CFAP299: variants seen among roughly 807,000 people sequenced by gnomAD.
CFAP299 encodes cilia and flagella associated protein 299, also known as cilia- and flagella-associated protein 299.
CFAP299 carries 21 observed loss-of-function variants against 27.0 expected under a neutral mutation model. The observed-to-expected ratio is 0.78, with a 90% CI of 0.55 to 1.12. The LOEUF is 1.12. Among genes scored for constraint, CFAP299 ranks in the 50% most tolerant of loss-of-function variants. The probability of loss-of-function intolerance (pLI) is 0.00; values close to 1 mark genes in which losing one functional copy is unlikely to be tolerated. For synonymous variants in CFAP299, 104 were observed against 98.1 expected (o/e 1.06, Z -0.36); for missense variants, 310 against 276.6 (o/e 1.12, Z -0.86).
chr4:80,683,914 C>T (rs1578014206), intron 3 of CFAP299, among the ~76,000 whole-genome samples: 1 of 152,046 alleles, frequency 6.6e-6, no homozygotes, highest in African/African-American at 2.4e-5. Context: ...CTATTATGAA[C>T]CTTTGTTGAG....
chr4:80,453,841 AAATAATAAT>A (rs10692004), intron 2 of CFAP299, among the ~76,000 whole-genome samples: 2,467 of 135,952 alleles, frequency 0.018, 31 homozygotes, highest in Non-Finnish European at 0.02. Flanking sequence ...ACCCTGTCTC[AAATAATAAT>A]AATAATAATA....
rs147567325 is a variant in CFAP299, at chr4:80,447,069, T to C, written c.242+84185T>C. On this transcript the variant is annotated intron_variant, in intron 2 of 5. Transcript: ENST00000358105. ...ATAAGTAGGCACTTACCCTCTCTTA[T>C]GTGATTAACAATGGTAGTGTTTCTT... Among the ~76,000 whole-genome samples, 61 of 152,100 alleles carry C rather than the reference T, an allele frequency of 4.0e-4. No homozygotes were observed. In the East Asian group the frequency reaches 0.01, roughly 25 times the overall value.
At chr4:80,369,834 T>C (rs1724043278) in intron 2 of CFAP299, among the ~76,000 whole-genome samples, 1 of 152,200 alleles carries the variant, frequency 6.6e-6, no homozygotes, top group South Asian at 2.1e-4. Flanking sequence ...GTGCCTTCAG[T>C]GAACATTCCA....
At chr4:80,842,384 A>G (rs1364921615) in intron 3 of CFAP299, among the ~76,000 whole-genome samples, 1 of 152,148 alleles carries the variant, frequency 6.6e-6, no homozygotes, top group African/African-American at 2.4e-5. Flanking sequence ...ACAATAGTGA[A>G]GACAACAGAC....
intron 3 of CFAP299, among the ~76,000 whole-genome samples, chr4:80,658,451 A>T (rs995194007): frequency 3.3e-5 from 5 of 152,112 alleles, no homozygotes; most frequent in Non-Finnish European, 7.4e-5. Context: ...AGCAGTGTTG[A>T]ATTTTTTCGA....
At chr4:80,686,658 AT>A (rs1250990281) in intron 3 of CFAP299, among the ~76,000 whole-genome samples, 1 of 152,174 alleles carries the variant, frequency 6.6e-6, no homozygotes, top group Non-Finnish European at 1.5e-5. Flanking sequence ...GAGCCAGAAG[AT>A]TTTGGTAGAA....
At chr4:80,453,099 A>T (rs1728977138) in intron 2 of CFAP299, among the ~76,000 whole-genome samples, 1 of 152,196 alleles carries the variant, frequency 6.6e-6, no homozygotes, top group African/African-American at 2.4e-5. Flanking sequence ...TCTCATAGAA[A>T]CTGCAACATT....
intron 3 of CFAP299, among the ~76,000 whole-genome samples, chr4:80,825,780 T>G (rs1409111095): frequency 6.6e-6 from 1 of 151,904 alleles, no homozygotes; most frequent in African/African-American, 2.4e-5. Context: ...GGACAATAGA[T>G]AGTAACTTGA....
intron 3 of CFAP299, among the ~76,000 whole-genome samples, chr4:80,699,391 C>G (rs1721319788): frequency 6.6e-6 from 1 of 152,166 alleles, no homozygotes; most frequent in South Asian, 2.1e-4. Context: ...AACTCCATAA[C>G]TCCCGATCAG....
At chr4:80,460,818 A>G (rs968571730) in intron 2 of CFAP299, among the ~76,000 whole-genome samples, 2 of 152,184 alleles carry the variant, frequency 1.3e-5, no homozygotes, top group African/African-American at 4.8e-5. Context: ...TGCCAAAGAA[A>G]AAAGTCAAAC....
intron 3 of CFAP299, among the ~76,000 whole-genome samples, chr4:80,667,089 A>G (rs1228752284): frequency 6.6e-6 from 1 of 152,144 alleles, no homozygotes. Context: ...TCTCAAATTT[A>G]TTTTAATTTT....
At chr4:80,688,146 T>TTTG (rs1233093219) in intron 3 of CFAP299, among the ~76,000 whole-genome samples, 2 of 152,074 alleles carry the variant, frequency 1.3e-5, no homozygotes, top group Non-Finnish European at 2.9e-5. Context: ...CTTGCTTAGG[T>TTTG]AAACAAAGCA....
intron 3 of CFAP299, among the ~76,000 whole-genome samples, chr4:80,609,525 A>G (rs1164963758): frequency 6.6e-6 from 1 of 152,090 alleles, no homozygotes; most frequent in East Asian, 1.9e-4. Flanking sequence ...TTTTATCAAC[A>G]GAATATTTAT....
chr4:80,736,733 A>G (rs1451309100), intron 3 of CFAP299, among the ~76,000 whole-genome samples: 1 of 152,216 alleles, frequency 6.6e-6, no homozygotes, highest in Non-Finnish European at 1.5e-5. Context: ...AACTAGTTCA[A>G]CCACTGTGGA....
intron 2 of CFAP299, among the ~76,000 whole-genome samples, chr4:80,493,337 C>A (rs547977657): frequency 6.2e-4 from 94 of 152,312 alleles, no homozygotes; most frequent in African/African-American, 2.2e-3. Flanking sequence ...GGATTCTTAT[C>A]CCTGATGCAC....
chr4:80,659,635 C>G (rs1315712437), intron 3 of CFAP299, among the ~76,000 whole-genome samples: 1 of 151,898 alleles, frequency 6.6e-6, no homozygotes, highest in South Asian at 2.1e-4. Context: ...TTGTTAATAT[C>G]TTGTGTTGTT....
intron 2 of CFAP299, among the ~76,000 whole-genome samples, chr4:80,378,826 T>G (rs927237356): frequency 6.6e-6 from 1 of 152,106 alleles, no homozygotes; most frequent in African/African-American, 2.4e-5. Flanking sequence ...TTGTTGAGAA[T>G]TTTTACATCC....
intron 3 of CFAP299, among the ~76,000 whole-genome samples, chr4:80,684,945 C>A (rs1720090393): frequency 6.6e-6 from 1 of 151,924 alleles, no homozygotes. Context: ...ATTTTTAAAA[C>A]TTAGAAAGGA....
At chr4:80,798,931 T>A (rs763631657) in intron 3 of CFAP299, among the ~76,000 whole-genome samples, 2 of 150,884 alleles carry the variant, frequency 1.3e-5, no homozygotes, top group Non-Finnish European at 2.9e-5. Context: ...GGAAGTAGAG[T>A]TCTTAGCATT....
Sources: gnomAD v4.1 joint callset for allele counts (sites outside exome capture counted in the v4.1 genomes callset) on GRCh38, gnomAD v4.1.1 for gene constraint, MANE v1.5 for transcripts, NCBI Gene and HGNC (gene_info 2026-07-23, HGNC 2026-07-21) for gene names.